CTNNA2: variants seen among roughly 807,000 people sequenced by gnomAD.
CTNNA2 encodes catenin alpha-2.
CTNNA2 carries 42 observed loss-of-function variants against 101.0 expected under a neutral mutation model. The observed-to-expected ratio is 0.42, with a 90% CI of 0.32 to 0.54. The LOEUF is 0.54. Among genes scored for constraint, CTNNA2 ranks in the 20% least tolerant of loss-of-function variants. The probability of loss-of-function intolerance (pLI) is 0.14; values close to 1 mark genes in which losing one functional copy is unlikely to be tolerated. For synonymous variants in CTNNA2, 450 were observed against 456.4 expected (o/e 0.99, Z 0.18); for missense variants, 871 against 1,223.1 (o/e 0.71, Z 4.29).
chr2:79,690,453 G>C (rs138587446), intron 2 of CTNNA2, among the ~76,000 whole-genome samples: 1 of 151,966 alleles, frequency 6.6e-6, no homozygotes, highest in Non-Finnish European at 1.5e-5. Context: ...CCATGTCCCT[G>C]CAAAGGACAT....
chr2:80,422,589 A>G (rs1169299061), intron 9 of CTNNA2, among the ~76,000 whole-genome samples: 1 of 152,124 alleles, frequency 6.6e-6, no homozygotes, highest in African/African-American at 2.4e-5. Context: ...TCTTTCAGAT[A>G]CTTTAATTAG....
At chr2:80,062,733 T>G in intron 7 of CTNNA2, among the ~76,000 whole-genome samples, 1 of 137,416 alleles carries the variant, frequency 7.3e-6, no homozygotes, top group Non-Finnish European at 1.5e-5. Context: ...TGAGATGGAG[T>G]CTCACTCTGT....
At chr2:79,425,785 C>T (rs1678586902) in intron 4 of CTNNA2, among the ~76,000 whole-genome samples, 1 of 152,132 alleles carries the variant, frequency 6.6e-6, no homozygotes, top group African/African-American at 2.4e-5. Context: ...ACCTCATCTA[C>T]AGAGTATTGT....
intron 4 of CTNNA2, among the ~76,000 whole-genome samples, chr2:79,459,555 A>T (rs1558671146): frequency 6.6e-6 from 1 of 152,196 alleles, no homozygotes. Flanking sequence ...TTTTACTCGT[A>T]GGAACATTTT....
intron 9 of CTNNA2, among the ~76,000 whole-genome samples, chr2:80,486,536 C>T (rs1013960541): frequency 7.2e-5 from 11 of 152,092 alleles, no homozygotes; most frequent in East Asian, 1.9e-4. Context: ...AGGCTCACTG[C>T]GATTTCATCT....
rs1160786587 is a variant in CTNNA2 at position 79,891,892 on chromosome 2, T to C, written c.852+17550T>C. ...TGGTGACTGTGAATATTTTTTCCTA[T>C]TTTTATTATTTTCCAAACTTTTTTC... On this transcript the variant is annotated intron_variant, in intron 6 of 18. Coordinates refer to ENST00000402739, the MANE Select transcript of CTNNA2 (RefSeq NM_001282597.3). Among the ~76,000 whole-genome samples, 5 of 152,244 alleles carry C rather than the reference T, an allele frequency of 3.3e-5. No individual in the cohort carries two copies. In the South Asian group the frequency reaches 6.2e-4, roughly 19 times the overall value.
rs150040370 is a variant in CTNNA2, at chr2:80,596,769, C to T, written c.2189+7284C>T. Among the ~76,000 whole-genome samples the T allele has an allele frequency of 6.4e-3, 940 of 147,320 alleles. 10 individuals are homozygous for T. Among genetic ancestry groups the T allele is most frequent in the African/African-American group, 0.024 (894 of 37,660 alleles). On this transcript the variant is annotated intron_variant, in intron 15 of 18. Coordinates refer to ENST00000402739, the MANE Select transcript of CTNNA2 (RefSeq NM_001282597.3). Reference sequence around the variant, plus strand: ...GTTGAATAGGAGTGATGAGAAAGGGCATCCTTGTCTTGTGTCCGGTTTTCA... The same window carrying T: ...GTTGAATAGGAGTGATGAGAAAGGGTATCCTTGTCTTGTGTCCGGTTTTCA...
In CTNNA2 at chr2:79,848,995, C is replaced by T. The variant is rs572814963; in HGVS notation, c.299-9018C>T. ...CTGACCCCCACCAACCACCTGACCA[C>T]GGCACTTGGGCTTCTGTGTCTTCAT... is the stretch of plus-strand genomic sequence containing the variant. On this transcript the variant is annotated intron_variant, in intron 3 of 18. Coordinates refer to ENST00000402739, the MANE Select transcript of CTNNA2 (RefSeq NM_001282597.3). Among the ~76,000 whole-genome samples, 10 of 152,182 alleles carry T rather than the reference C, an allele frequency of 6.6e-5. No homozygotes were observed. The South Asian group carries it at 1.5e-3, about 22-fold the overall frequency.
intron 2 of CTNNA2, among the ~76,000 whole-genome samples, chr2:79,285,553 G>T (rs1478105531): frequency 7.5e-6 from 1 of 134,042 alleles, no homozygotes; most frequent in Non-Finnish European, 1.6e-5. Flanking sequence ...TTTCCATGTA[G>T]TTGAGCGGTT....
chr2:80,261,663 G>A (rs1204475224), intron 7 of CTNNA2, among the ~76,000 whole-genome samples: 3 of 152,126 alleles, frequency 2.0e-5, no homozygotes, highest in Non-Finnish European at 4.4e-5. Flanking sequence ...GCTAACTCCA[G>A]TGTTATAAAG....
chr2:79,301,859 C>T (rs539368700), intron 2 of CTNNA2, among the ~76,000 whole-genome samples: 6 of 151,996 alleles, frequency 3.9e-5, no homozygotes, highest in Non-Finnish European at 5.9e-5. Context: ...GAGGCTGAGG[C>T]GGGTGGATCA....
chr2:79,687,467 A>G (rs1342626443), intron 2 of CTNNA2: 2 of 522,732 alleles, frequency 3.8e-6, no homozygotes, highest in African/African-American at 2.0e-5. Flanking sequence ...GTACCTTCAG[A>G]TAATTTTGAT....
chr2:80,388,826 G>T (rs1677250777), intron 7 of CTNNA2, among the ~76,000 whole-genome samples: 2 of 152,324 alleles, frequency 1.3e-5, no homozygotes, highest in South Asian at 4.1e-4. Context: ...GTCAGGGATG[G>T]AGAGCTAGGT....
chr2:79,283,183 GA>G (rs1675448606), intron 2 of CTNNA2, among the ~76,000 whole-genome samples: 1 of 104,332 alleles, frequency 9.6e-6, no homozygotes, highest in African/African-American at 2.8e-5. Flanking sequence ...AGTAGGTTGT[GA>G]AAATTTTCTC....
In CTNNA2 at chr2:79,758,211, T is replaced by C. The variant is rs535247099; in HGVS notation, c.298+13629T>C. The stretch of plus-strand genomic sequence containing the variant: ...AAACCTGGTTATCAAGCATTTTCTC[T>C]CTAAAAGCTAGGTCTGTAATTCAAT... On this transcript the variant is annotated intron_variant, in intron 3 of 18. Coordinates refer to ENST00000402739, the MANE Select transcript of CTNNA2 (RefSeq NM_001282597.3). Among the ~76,000 whole-genome samples, 65 of 152,264 alleles carry C rather than the reference T, an allele frequency of 4.3e-4. 1 individual carries two copies. In the South Asian group the frequency reaches 0.012, roughly 29 times the overall value.
intron 1 of CTNNA2, among the ~76,000 whole-genome samples, chr2:79,542,310 G>A (rs1673476139): frequency 6.6e-6 from 1 of 152,094 alleles, no homozygotes; most frequent in Non-Finnish European, 1.5e-5. Flanking sequence ...TATGTTATCT[G>A]ATGTTAAAAG....
At chr2:79,926,582 A>G (rs1333617436) in intron 7 of CTNNA2, among the ~76,000 whole-genome samples, 1 of 152,076 alleles carries the variant, frequency 6.6e-6, no homozygotes, top group Admixed American at 6.6e-5. Flanking sequence ...TTTCTTTAAC[A>G]CAAAAAGGAA....
intron 2 of CTNNA2, among the ~76,000 whole-genome samples, chr2:79,663,046 T>C (rs12464912): frequency 0.14 from 21,334 of 152,102 alleles, 1,639 homozygotes; most frequent in East Asian, 0.25. Flanking sequence ...GCTTTTATTA[T>C]CATCGATATG....
At chr2:80,313,219 C>A in intron 7 of CTNNA2, among the ~76,000 whole-genome samples, 1 of 152,324 alleles carries the variant, frequency 6.6e-6, no homozygotes, top group East Asian at 1.9e-4. Flanking sequence ...GGTAAACTAA[C>A]CTGCCTAGTT....
Sources: gnomAD v4.1 joint callset for allele counts (sites outside exome capture counted in the v4.1 genomes callset) on GRCh38, gnomAD v4.1.1 for gene constraint, MANE v1.5 for transcripts, NCBI Gene and HGNC (gene_info 2026-07-23, HGNC 2026-07-21) for gene names.